The following FBXO34 variants were observed in gnomAD, a reference collection of about 807,000 sequenced individuals.
The protein encoded by FBXO34 is F-box only protein 34.
Under a neutral mutation model 24.5 loss-of-function variants are expected in FBXO34, and 12 were observed. That is an observed-to-expected ratio of 0.49 (90% CI 0.31 to 0.79). FBXO34 has a LOEUF of 0.79. Ranked by LOEUF, FBXO34 falls within the 30% of genes least tolerant of loss-of-function variation. The pLI is 0.04. For synonymous variants in FBXO34, 320 were observed against 311.9 expected (o/e 1.03, Z -0.27); for missense variants, 823 against 857.7 (o/e 0.96, Z 0.51).
At chr14:55,360,756 G>A (rs1884583224) in intron 3 of FBXO34, among the ~76,000 whole-genome samples, 1 of 152,094 alleles carries the variant, frequency 6.6e-6, no homozygotes, top group Non-Finnish European at 1.5e-5. Context: ...CCAGCACTTT[G>A]GGAGGCCTAG....
At chr14:55,283,922 C>T (rs1472085791) in intron 1 of FBXO34, among the ~76,000 whole-genome samples, 2 of 150,304 alleles carry the variant, frequency 1.3e-5, no homozygotes, top group African/African-American at 2.5e-5. Context: ...AAAATTAAAA[C>T]GTGACTTTAC....
the FBXO34 span, among the ~76,000 whole-genome samples, chr14:55,425,994 G>A: frequency 1.3e-5 from 2 of 152,154 alleles, no homozygotes; most frequent in African/African-American, 4.8e-5. Flanking sequence ...GGGGCCGGGT[G>A]CGGTGGCTCA....
intron 1 of FBXO34, among the ~76,000 whole-genome samples, chr14:55,312,090 C>T (rs73263927): frequency 0.3 from 45,870 of 150,576 alleles, 7,254 homozygotes; most frequent in Non-Finnish European, 0.34. Flanking sequence ...ATCCCAGCTA[C>T]TTGGGAGGCT....
chr14:55,349,886 C>T (rs914880916), intron 1 of FBXO34, among the ~76,000 whole-genome samples: 4 of 151,866 alleles, frequency 2.6e-5, no homozygotes, highest in Admixed American at 6.6e-5. Flanking sequence ...GGATTACAGA[C>T]GTCAGTCACC....
At chr14:55,356,923 A>AT (rs1175225448), downstream of FBXO34, among the ~76,000 whole-genome samples, 1 of 151,876 alleles carries the variant, frequency 6.6e-6, no homozygotes, top group Non-Finnish European at 1.5e-5. Context: ...TAATTTTTGT[A>AT]TTTTTTTGTG....
intron 1 of FBXO34, among the ~76,000 whole-genome samples, chr14:55,335,588 A>G (rs115201104): frequency 0.014 from 2,124 of 152,302 alleles, 35 homozygotes; most frequent in African/African-American, 0.044. Flanking sequence ...TCATTTGACT[A>G]TTTGACTGTT....
At chr14:55,406,062 A>C in the FBXO34 span, among the ~76,000 whole-genome samples, 8 of 152,198 alleles carry the variant, frequency 5.3e-5, no homozygotes, top group African/African-American at 1.7e-4. Flanking sequence ...TTTCTCAACT[A>C]ATCTGCCAAA....
downstream of FBXO34, among the ~76,000 whole-genome samples, chr14:55,370,415 C>T (rs1289093637): frequency 6.6e-6 from 1 of 152,176 alleles, no homozygotes; most frequent in East Asian, 1.9e-4. Flanking sequence ...CCACAATTTT[C>T]TAGGACACAT....
chr14:55,278,620 A>G (rs1323082717), intron 1 of FBXO34, among the ~76,000 whole-genome samples: 1 of 152,220 alleles, frequency 6.6e-6, no homozygotes, highest in Non-Finnish European at 1.5e-5. Context: ...AATACATAGG[A>G]CTACTGTACA....
the FBXO34 span, among the ~76,000 whole-genome samples, chr14:55,386,778 C>T: frequency 1.3e-5 from 2 of 152,198 alleles, no homozygotes; most frequent in African/African-American, 4.8e-5. Flanking sequence ...CTTTTGAGTT[C>T]TGGATCCTAC....
the FBXO34 span, among the ~76,000 whole-genome samples, chr14:55,390,676 C>G: frequency 6.6e-6 from 1 of 152,000 alleles, no homozygotes; most frequent in Non-Finnish European, 1.5e-5. Context: ...TGGCGCCTAA[C>G]TTTTTTAATT....
downstream of FBXO34, chr14:55,369,449 C>T (rs1371183175): frequency 3.4e-6 from 2 of 592,444 alleles, no homozygotes; most frequent in African/African-American, 1.8e-5. Context: ...CCATCACAGG[C>T]CACTTGGCAA....
At chr14:55,338,921 CAAAAAAAAAA>C (rs59912336) in intron 1 of FBXO34, among the ~76,000 whole-genome samples, 1 of 134,606 alleles carries the variant, frequency 7.4e-6, no homozygotes, top group East Asian at 2.1e-4. Context: ...CAAAAAAAAA[CAAAAAAAAAA>C]AAGCCAAAAA....
At chr14:55,362,071 C>G (rs1409772929), downstream of FBXO34, among the ~76,000 whole-genome samples, 1 of 152,204 alleles carries the variant, frequency 6.6e-6, no homozygotes, top group East Asian at 1.9e-4. Context: ...GCCTTCCTTA[C>G]TAAGCTTAAT....
chr14:55,393,912 T>C, the FBXO34 span, among the ~76,000 whole-genome samples: 1 of 152,086 alleles, frequency 6.6e-6, no homozygotes, highest in East Asian at 1.9e-4. Context: ...TTATCCTAGT[T>C]TATTATTTTT....
chr14:55,398,859 A>G, the FBXO34 span, among the ~76,000 whole-genome samples: 4 of 152,104 alleles, frequency 2.6e-5, 1 homozygote, highest in South Asian at 8.3e-4. Flanking sequence ...TGGACAAAAA[A>G]AAAAAAATTG....
chr14:55,384,370 T>A, the FBXO34 span, among the ~76,000 whole-genome samples: 6 of 152,326 alleles, frequency 3.9e-5, no homozygotes, highest in Admixed American at 2.6e-4. Context: ...GAAAATATTA[T>A]ACAATAATCA....
the FBXO34 span, among the ~76,000 whole-genome samples, chr14:55,412,983 G>C: frequency 6.6e-6 from 1 of 152,162 alleles, no homozygotes; most frequent in East Asian, 1.9e-4. Flanking sequence ...GATTCTACAA[G>C]CTAATTAGGT....
intron 1 of FBXO34, among the ~76,000 whole-genome samples, chr14:55,315,823 A>G (rs1248105303): frequency 1.3e-5 from 2 of 152,172 alleles, no homozygotes; most frequent in Admixed American, 1.3e-4. Context: ...GAGGTACTTG[A>G]TGCTGAGTAC....
Sources: gnomAD v4.1 joint callset for allele counts (sites outside exome capture counted in the v4.1 genomes callset) on GRCh38, gnomAD v4.1.1 for gene constraint, MANE v1.5 for transcripts, NCBI Gene and HGNC (gene_info 2026-07-23, HGNC 2026-07-21) for gene names.